Variants in USP43 observed in about 807,000 individuals in gnomAD.
The protein encoded by USP43 is ubiquitin carboxyl-terminal hydrolase 43.
In USP43, 33 loss-of-function variants were observed where a neutral mutation model predicts 90.7. The observed-to-expected ratio is 0.36, with a 90% CI of 0.28 to 0.49. The LOEUF is 0.49. USP43 is among the 20% of genes least tolerant of loss of function. The pLI is 0.98. For missense variants in USP43, 1,274 were observed against 1,476.4 expected, an observed-to-expected ratio of 0.86 and a Z score of 2.25; for synonymous variants, 598 against 615.8, an observed-to-expected ratio of 0.97 and a Z score of 0.43.
rs1465417738 is a variant in USP43 at position 9,710,118 on chromosome 17, G to C, written c.2170+4G>C. 6.7e-7 allele frequency: 1 copy of C among 1,495,208 alleles called. No homozygotes were observed. The highest frequency in any genetic ancestry group is 8.9e-7 in the Non-Finnish European group (1 of 1,121,266). The allele number at this position is 1,495,208 out of a possible 1,614,324, so 92.6% of individuals were successfully genotyped here. A position where few individuals can be genotyped will look rare whatever the true frequency, so the allele number is the denominator to read the frequency against. On this transcript the variant is annotated splice_donor_region_variant and intron_variant, in intron 13 of 14. Transcript: ENST00000285199. ...TCAGCCAGCAGCTCCATGAGAGGTAGGTGCTGCTGCTCATGACAGGAGGGG... is the reference window on the plus strand; with the variant it reads ...TCAGCCAGCAGCTCCATGAGAGGTACGTGCTGCTGCTCATGACAGGAGGGG...
At position 9,710,007 on chromosome 17, in the gene USP43, C is replaced by T. The variant is rs200505158; in HGVS notation, c.2063C>T (p.Thr688Met). The stretch of plus-strand genomic sequence containing the variant: ...CAGTGGTACAGTTATGATGACAGCA[C>T]GGTGGAACCGCTTCGAGAAGATGAG... ...DGQWYSYDDS[T>M]VEPLREDEVN... is the part of the protein sequence containing the mutation. The change falls in exon 13 of 15, where the codon ACG (threonine) becomes ATG (methionine). Residue 688 changes from threonine to methionine, a missense_variant. Coordinates refer to ENST00000285199, the MANE Select transcript of USP43 (RefSeq NM_153210.5). 2.5e-5 allele frequency: 40 copies of T among 1,572,354 alleles called. 1 individual carries two copies. The African/African-American group carries it at 3.7e-4, about 15-fold the overall frequency.
In USP43 at chr17:9,709,438, G is replaced by A. The variant is rs9912309; in HGVS notation, c.2012-518G>A. On this transcript the variant is annotated intron_variant, in intron 12 of 14. Coordinates refer to ENST00000285199, the MANE Select transcript of USP43 (RefSeq NM_153210.5). This position sits in a 1 kb window ranked among gnomAD's most constrained non-coding sequence, Gnocchi z 5.0. The stretch of plus-strand genomic sequence containing the variant: ...ACTTAAAATAACAGCACTCTTGGCC[G>A]GGCATGGTGGCTCAGGCCTGTAATC... Among the ~76,000 whole-genome samples the A allele has an allele frequency of 0.14, 20,899 of 152,076 alleles. 1,717 individuals are homozygous for A. The highest frequency in any genetic ancestry group is 0.2 in the African/African-American group (8,501 of 41,472).
intron 1 of USP43, among the ~76,000 whole-genome samples, chr17:9,652,452 C>T (rs769123640): frequency 7.9e-5 from 12 of 151,836 alleles, no homozygotes; most frequent in Non-Finnish European, 1.5e-4. Flanking sequence ...AGCTCCGCCT[C>T]CCGGGTTCAA....
intron 3 of USP43, among the ~76,000 whole-genome samples, chr17:9,673,463 C>T (rs763922224): frequency 6.6e-6 from 1 of 152,084 alleles, no homozygotes; most frequent in African/African-American, 2.4e-5. Context: ...GAGTCGAGAT[C>T]GCGCCATTGC....
intron 6 of USP43, among the ~76,000 whole-genome samples, chr17:9,681,187 ATATAATATATAC>A (rs1172710863): frequency 1.2e-3 from 119 of 100,994 alleles, no homozygotes; most frequent in Non-Finnish European, 1.7e-3. Flanking sequence ...ATAATATACT[ATATAATATATAC>A]TATATAATAT....
At chr17:9,718,370 T>C (rs1396748043) in intron 14 of USP43, among the ~76,000 whole-genome samples, 1 of 152,150 alleles carries the variant, frequency 6.6e-6, no homozygotes, top group African/African-American at 2.4e-5. Context: ...GATGATAGGA[T>C]CTTAAAGCTA....
intron 14 of USP43, among the ~76,000 whole-genome samples, chr17:9,725,933 G>A (rs1036340273): frequency 1.3e-5 from 2 of 152,080 alleles, no homozygotes; most frequent in Admixed American, 6.6e-5. Flanking sequence ...TCAGACCCCA[G>A]AACATTTCTT....
At chr17:9,725,426 G>T (rs897238537) in intron 14 of USP43, among the ~76,000 whole-genome samples, 4 of 152,090 alleles carry the variant, frequency 2.6e-5, no homozygotes, top group African/African-American at 9.7e-5. Context: ...TCTCCCCGGG[G>T]GAGGGGTACC....
In USP43 at chr17:9,701,037, G is replaced by T. The variant is rs1390543869; in HGVS notation, c.1536-82G>T. 4.3e-6 allele frequency: 6 copies of T among 1,411,254 alleles called. No individual in the cohort carries two copies. In the East Asian group the frequency reaches 7.8e-5, roughly 18 times the overall value. 87.4% of individuals were successfully genotyped at this position (1,411,254 alleles called of 1,614,324 possible). A position where few individuals can be genotyped will look rare whatever the true frequency, so the allele number is the denominator to read the frequency against. On this transcript the variant is annotated intron_variant, in intron 10 of 14. Transcript: ENST00000285199. The surrounding 1 kb of genome is among the most constrained non-coding windows in gnomAD (Gnocchi z 7.2). ...GTGGCCTGGCCAATGTCTGCTGACGGGTTTGCTGTGAGTAGAGACATAGAC... is the reference window on the plus strand; with the variant it reads ...GTGGCCTGGCCAATGTCTGCTGACGTGTTTGCTGTGAGTAGAGACATAGAC...
At chr17:9,714,330 C>T (rs1916366620) in intron 14 of USP43, among the ~76,000 whole-genome samples, 1 of 152,106 alleles carries the variant, frequency 6.6e-6, no homozygotes, top group Non-Finnish European at 1.5e-5. Flanking sequence ...ATTTGAGAGT[C>T]ATCAGCACAT....
rs529557101 is a variant in USP43, at chr17:9,681,743, C to T, written c.1106-1080C>T. Among the ~76,000 whole-genome samples the T allele has an allele frequency of 4.2e-4, 64 of 151,884 alleles. No individual in the cohort carries two copies. The Middle Eastern group carries it at 0.01, about 24-fold the overall frequency. On this transcript the variant is annotated intron_variant, in intron 6 of 14. Coordinates refer to ENST00000285199, the MANE Select transcript of USP43 (RefSeq NM_153210.5). ...TCCTAACCTCAGGTGATCCACCTGCCTCAGCCTCCGAAAGTCCTGGGATTA... is the reference window on the plus strand; with the variant it reads ...TCCTAACCTCAGGTGATCCACCTGCTTCAGCCTCCGAAAGTCCTGGGATTA...
chr17:9,649,698 T>C (rs1911725735), intron 1 of USP43, among the ~76,000 whole-genome samples: 1 of 146,326 alleles, frequency 6.8e-6, no homozygotes, highest in South Asian at 2.2e-4. Context: ...AAAAAAAAAG[T>C]TAAAATGTAG....
chr17:9,664,255 G>T (rs987850950), intron 2 of USP43, among the ~76,000 whole-genome samples: 6 of 151,948 alleles, frequency 3.9e-5, no homozygotes, highest in Non-Finnish European at 8.8e-5. Context: ...GCTTTATCAC[G>T]CATTTACCCA....
intron 9 of USP43, among the ~76,000 whole-genome samples, chr17:9,699,033 G>A (rs1300767337): frequency 6.6e-6 from 1 of 152,190 alleles, no homozygotes; most frequent in East Asian, 1.9e-4. Flanking sequence ...CCTCAGAATG[G>A]AATATTTGTC....
intron 14 of USP43, among the ~76,000 whole-genome samples, chr17:9,718,745 C>G (rs1347678157): frequency 6.6e-6 from 1 of 151,910 alleles, no homozygotes; most frequent in African/African-American, 2.4e-5. Flanking sequence ...GAGGCTGAGG[C>G]AGGAGAATTG....
intron 12 of USP43, among the ~76,000 whole-genome samples, chr17:9,702,844 T>A (rs1201230739): frequency 6.6e-6 from 1 of 152,058 alleles, no homozygotes; most frequent in Non-Finnish European, 1.5e-5. Context: ...CAGGCCCCCA[T>A]AGAGAAAGAG....
In USP43 at chr17:9,728,390, G is replaced by C; in HGVS notation, c.2772G>C (p.Lys924Asn). The C allele has an allele frequency of 6.2e-7, 1 of 1,608,202 alleles. No individual in the cohort carries two copies. ...AGGAAAATGCAGGGCAGGACATCAA[G>C]CTTCCCAGAAAGTTTGACCTGCCTC... The part of the protein sequence containing the change: ...KLKENAGQDI[K>N]LPRKFDLPLT... The change falls in exon 15 of 15, where the codon AAG becomes AAC. Residue 924 changes from lysine to asparagine, a missense_variant. This residue lies in a region of USP43 where 353 missense variants were observed against 329.7 expected (regional missense o/e 1.07). Transcript: ENST00000285199. The surrounding 1 kb of genome is among the most constrained non-coding windows in gnomAD (Gnocchi z 6.2).
intron 9 of USP43, among the ~76,000 whole-genome samples, chr17:9,696,179 G>T (rs1043885295): frequency 2.6e-5 from 4 of 151,916 alleles, no homozygotes; most frequent in African/African-American, 9.7e-5. Context: ...TGTCGCCCAG[G>T]CTGGAGTGCA....
rs534826297 is a variant in USP43, at chr17:9,714,275, G to A, written c.2335+2143G>A. 1.2e-4 allele frequency among the ~76,000 whole-genome samples: 18 copies of A among 152,296 alleles called. No individual in the cohort carries two copies. The South Asian group carries it at 3.5e-3, about 30-fold the overall frequency. On this transcript the variant is annotated intron_variant, in intron 14 of 14. Coordinates refer to ENST00000285199, the MANE Select transcript of USP43 (RefSeq NM_153210.5). ...CACAGCCCAGGGGTTGGGGGACCCT[G>A]CTAAGACATCACATCAATGTGATAA...
Sources: allele counts gnomAD v4.1 joint callset (sites outside exome capture counted in the v4.1 genomes callset), GRCh38; gene constraint gnomAD v4.1.1; regional missense constraint gnomAD v4.1.1; non-coding constraint Gnocchi (gnomAD v3.1); transcripts MANE v1.5; gene names NCBI Gene and HGNC (gene_info 2026-07-23, HGNC 2026-07-21).